CMSS1: variants seen among roughly 807,000 people sequenced by gnomAD.
CMSS1 encodes cms1 ribosomal small subunit homolog.
A neutral mutation model predicts 43.5 loss-of-function variants in CMSS1; 33 were observed. The ratio of observed to expected loss-of-function variants is 0.76; its 90% confidence interval spans 0.57 to 1.01. The LOEUF (loss-of-function observed/expected upper bound fraction) is 1.01, where lower values mean the gene tolerates loss of function less well. CMSS1 is among the 50% of genes least tolerant of loss of function. CMSS1 has a pLI of 0.00. For missense variants in CMSS1, 313 were observed against 326.4 expected (o/e 0.96, Z 0.32); for synonymous variants, 115 against 117.2 (o/e 0.98, Z 0.12).
chr3:100,069,714 C>T (rs984385824), intron 1 of CMSS1, among the ~76,000 whole-genome samples: 2 of 152,082 alleles, frequency 1.3e-5, no homozygotes, highest in African/African-American at 2.4e-5. Context: ...AATAAAAATA[C>T]AAGTAACCTG....
intron 1 of CMSS1, among the ~76,000 whole-genome samples, chr3:100,080,387 G>T (rs2065913849): frequency 6.6e-6 from 1 of 152,110 alleles, no homozygotes; most frequent in Admixed American, 6.6e-5. Flanking sequence ...TTTACAGAGG[G>T]TTTCTCAGAC....
intron 1 of CMSS1, among the ~76,000 whole-genome samples, chr3:100,080,379 T>C (rs1161444376): frequency 1.3e-5 from 2 of 152,170 alleles, no homozygotes; most frequent in Admixed American, 1.3e-4. Context: ...ACTATCCCTT[T>C]ACAGAGGGTT....
At chr3:100,169,808 C>T (rs976193954) in intron 6 of CMSS1, among the ~76,000 whole-genome samples, 1 of 152,212 alleles carries the variant, frequency 6.6e-6, no homozygotes, top group Non-Finnish European at 1.5e-5. Context: ...AAAACTACCT[C>T]ATTTCACATT....
At chr3:100,163,246 T>C (rs761974224) in intron 4 of CMSS1, among the ~76,000 whole-genome samples, 4 of 152,192 alleles carry the variant, frequency 2.6e-5, no homozygotes, top group Non-Finnish European at 5.9e-5. Context: ...AAACACTGAT[T>C]TACTCAACTA....
intron 1 of CMSS1, among the ~76,000 whole-genome samples, chr3:99,960,845 G>A (rs992159724): frequency 6.6e-5 from 10 of 152,134 alleles, no homozygotes; most frequent in South Asian, 4.1e-4. Context: ...ATATATTTTT[G>A]CGTTGTTAAT....
chr3:100,021,262 C>A (rs73859919), intron 1 of CMSS1, among the ~76,000 whole-genome samples: 2,246 of 152,280 alleles, frequency 0.015, 56 homozygotes, highest in African/African-American at 0.052. Context: ...CTATAGAGCT[C>A]TCCTTATATA....
chr3:99,843,396 A>C (rs1172368690), intron 1 of CMSS1, among the ~76,000 whole-genome samples: 1 of 152,192 alleles, frequency 6.6e-6, no homozygotes, highest in Non-Finnish European at 1.5e-5. Flanking sequence ...TAAAAAGAAA[A>C]CTTGGAGAAT....
At chr3:99,822,618 G>A (rs1942459664) in intron 1 of CMSS1, among the ~76,000 whole-genome samples, 1 of 152,176 alleles carries the variant, frequency 6.6e-6, no homozygotes, top group African/African-American at 2.4e-5. Context: ...TGTAATCCCA[G>A]CTACTCAGGA....
intron 4 of CMSS1, 109 bp downstream of exon 4, chr3:100,162,541 C>G (rs555328416): frequency 8.6e-5 from 102 of 1,185,954 alleles, no homozygotes; most frequent in Non-Finnish European, 1.2e-4. Context: ...GGCATGGTGG[C>G]TCATGCCTAT....
intron 1 of CMSS1, among the ~76,000 whole-genome samples, chr3:100,117,435 C>G (rs891354300): frequency 2.0e-5 from 3 of 151,850 alleles, no homozygotes; most frequent in Non-Finnish European, 2.9e-5. Context: ...ACTCTAAACA[C>G]TAGGGCTATA....
intron 1 of CMSS1, among the ~76,000 whole-genome samples, chr3:100,039,301 C>T (rs1353669570): frequency 6.6e-6 from 1 of 152,158 alleles, no homozygotes; most frequent in Non-Finnish European, 1.5e-5. Context: ...CACAGTAGTA[C>T]AGCCTATGAA....
chr3:100,110,802 G>A (rs1199307593), intron 1 of CMSS1, among the ~76,000 whole-genome samples: 1 of 152,088 alleles, frequency 6.6e-6, no homozygotes, highest in African/African-American at 2.4e-5. Flanking sequence ...CTTCACAACA[G>A]CCTACTTATG....
intron 1 of CMSS1, among the ~76,000 whole-genome samples, chr3:100,133,298 A>G (rs1320354263): frequency 6.6e-6 from 1 of 152,178 alleles, no homozygotes. Flanking sequence ...AGGATAAAAC[A>G]TTTGTATATG....
At chr3:100,117,120 G>A (rs1382883048) in intron 1 of CMSS1, among the ~76,000 whole-genome samples, 1 of 152,072 alleles carries the variant, frequency 6.6e-6, no homozygotes, top group Admixed American at 6.6e-5. Context: ...CATGTGTCAG[G>A]CACACTGTGA....
chr3:100,013,134 C>A (rs1710211494), intron 1 of CMSS1, among the ~76,000 whole-genome samples: 1 of 152,118 alleles, frequency 6.6e-6, no homozygotes, highest in African/African-American at 2.4e-5. Context: ...ACCTTGGCCT[C>A]CCAAAGTGCT....
chr3:100,091,257 A>C (rs1182036188), intron 1 of CMSS1, among the ~76,000 whole-genome samples: 3 of 150,364 alleles, frequency 2.0e-5, no homozygotes, highest in African/African-American at 7.3e-5. Flanking sequence ...TGCACTCCAG[A>C]CTAGGCGACA....
At chr3:99,874,482 CT>C (rs1358162308) in intron 1 of CMSS1, 4 of 152,234 alleles carry the variant, frequency 2.6e-5, no homozygotes, top group Admixed American at 2.6e-4. Context: ...TTATGGTGGG[CT>C]TCCCTAGGTT....
chr3:99,907,270 C>T (rs1175134546), intron 1 of CMSS1, among the ~76,000 whole-genome samples: 1 of 151,866 alleles, frequency 6.6e-6, no homozygotes, highest in African/African-American at 2.4e-5. Flanking sequence ...TTTTTTGAGA[C>T]AGAGTCTCAC....
intron 1 of CMSS1, among the ~76,000 whole-genome samples, chr3:100,083,455 T>C (rs1389557685): frequency 6.6e-6 from 1 of 152,230 alleles, no homozygotes; most frequent in Non-Finnish European, 1.5e-5. Flanking sequence ...CAGTGATCTG[T>C]ATTTTAGCAA....
Sources: allele counts gnomAD v4.1 joint callset (sites outside exome capture counted in the v4.1 genomes callset), GRCh38; gene constraint gnomAD v4.1.1; transcripts MANE v1.5; gene names NCBI Gene and HGNC (gene_info 2026-07-23, HGNC 2026-07-21).